Variants in ATXN7L3B observed in about 807,000 individuals in gnomAD.
ATXN7L3B encodes the protein ataxin-7-like protein 3B.
A neutral mutation model predicts 6.3 loss-of-function variants in ATXN7L3B; 4 were observed. The observed-to-expected ratio is 0.63, with a 90% CI of 0.31 to 1.45. The LOEUF (loss-of-function observed/expected upper bound fraction) is 1.45. ATXN7L3B is among the 40% of genes most tolerant of loss of function. The pLI is 0.07. For missense variants in ATXN7L3B, 120 were observed against 118.5 expected, an observed-to-expected ratio of 1.01 and a Z score of -0.06; for synonymous variants, 63 against 48.0, an observed-to-expected ratio of 1.31 and a Z score of -1.29.
rs918465386 is a variant in ATXN7L3B at position 74,545,126 on chromosome 12, A to C, written c.*6720A>C. On this transcript the variant is annotated 3_prime_UTR_variant, in exon 1 of 1. Transcript: ENST00000519948. ...GCTAGTAGGCTGTAAATTGGTAAAA[A>C]ATGTTTTTAAAAGCAATTTAGAAAT... 6.6e-6 allele frequency: 1 copy of C among 152,080 alleles called. No individual in the cohort carries two copies. Among genetic ancestry groups the C allele is most frequent in the African/African-American group, 2.4e-5 (1 of 41,448 alleles). 9.4% of individuals were successfully genotyped at this position (152,080 alleles called of 1,614,324 possible).
chr12:74,542,808 T>C lies in ATXN7L3B; in HGVS notation c.*4402T>C, dbSNP rs1868930312. The C allele has an allele frequency of 6.6e-6, 1 of 152,198 alleles. No individual in the cohort carries two copies. Among genetic ancestry groups the C allele is most frequent in the African/African-American group, 2.4e-5 (1 of 41,458 alleles). The allele number at this position is 152,198 out of a possible 1,614,324, so 9.4% of individuals were successfully genotyped here. On this transcript the variant is annotated 3_prime_UTR_variant, in exon 1 of 1. Coordinates refer to ENST00000519948, the MANE Select transcript of ATXN7L3B (RefSeq NM_001136262.2). ...ACCTATCTGAAGTGTTGTGAAGTTT[T>C]TCTTACAATTTTTTAAAAGAGATTT... is the stretch of plus-strand genomic sequence containing the variant.
In ATXN7L3B at chr12:74,541,376, C is replaced by T. The variant is rs752077913; in HGVS notation, c.*2970C>T. ...TACAGATAGCTGATTAACTGTATTC[C>T]CCTTTCCCCTATGGCTGCTGGTGTA... On this transcript the variant is annotated 3_prime_UTR_variant, in exon 1 of 1. Coordinates refer to ENST00000519948, the MANE Select transcript of ATXN7L3B (RefSeq NM_001136262.2). The T allele has an allele frequency of 6.0e-6, 1 of 166,996 alleles. No homozygotes were observed. Among genetic ancestry groups the T allele is most frequent in the Non-Finnish European group, 1.5e-5 (1 of 68,102 alleles). The allele number at this position is 166,996 out of a possible 1,614,324, so 10.3% of individuals were successfully genotyped here. A position where few individuals can be genotyped will look rare whatever the true frequency, so the allele number is the denominator to read the frequency against.
In ATXN7L3B at chr12:74,541,697, G is replaced by C. The variant is rs1209687383; in HGVS notation, c.*3291G>C. On this transcript the variant is annotated 3_prime_UTR_variant, in exon 1 of 1. Transcript: ENST00000519948. ...TCCCTTTTCCATATGAGGTAAGAAGGTGGTAAGATAAATCCAGTCCTGTCA... is the reference window on the plus strand; with the variant it reads ...TCCCTTTTCCATATGAGGTAAGAAGCTGGTAAGATAAATCCAGTCCTGTCA... The C allele has an allele frequency of 6.6e-6, 1 of 152,150 alleles. No individual in the cohort carries two copies. Among genetic ancestry groups the C allele is most frequent in the Non-Finnish European group, 1.5e-5 (1 of 68,022 alleles). The allele number at this position is 152,150 out of a possible 1,614,324, so 9.4% of individuals were successfully genotyped here.
rs1868906401 is a variant in ATXN7L3B at position 74,541,810 on chromosome 12, T to C, written c.*3404T>C. On this transcript the variant is annotated 3_prime_UTR_variant, in exon 1 of 1. Coordinates refer to ENST00000519948, the MANE Select transcript of ATXN7L3B (RefSeq NM_001136262.2). The stretch of plus-strand genomic sequence containing the variant: ...ATTTTACCATCATTTTAAGCTAATA[T>C]CCTTGTTCTCAAAAGGTAAAGTGAT... 1 of 152,216 alleles carries C rather than the reference T, an allele frequency of 6.6e-6. No individual in the cohort carries two copies. The highest frequency in any genetic ancestry group is 1.5e-5 in the Non-Finnish European group (1 of 68,042). The allele number at this position is 152,216 out of a possible 1,614,324, so 9.4% of individuals were successfully genotyped here.
chr12:74,538,439 A>C lies in ATXN7L3B; in HGVS notation c.*33A>C. On this transcript the variant is annotated 3_prime_UTR_variant, in exon 1 of 1. Coordinates refer to ENST00000519948, the MANE Select transcript of ATXN7L3B (RefSeq NM_001136262.2). ...ATGAGAGTCTGAAAGTGGCCAGGAC[A>C]ATAACATAGACTGGTCCTGTGGCTT... The C allele has an allele frequency of 6.5e-7, 1 of 1,534,802 alleles. No homozygotes were observed. Among genetic ancestry groups the C allele is most frequent in the Non-Finnish European group, 8.8e-7 (1 of 1,136,600 alleles).
chr12:74,540,329 G>C lies in ATXN7L3B; in HGVS notation c.*1923G>C, dbSNP rs1260726402. 1 of 167,056 alleles carries C rather than the reference G, an allele frequency of 6.0e-6. No individual in the cohort carries two copies. The highest frequency in any genetic ancestry group is 2.4e-5 in the African/African-American group (1 of 41,462). The allele number at this position is 167,056 out of a possible 1,614,324, so 10.3% of individuals were successfully genotyped here. A position where few individuals can be genotyped will look rare whatever the true frequency, so the allele number is the denominator to read the frequency against. On this transcript the variant is annotated 3_prime_UTR_variant, in exon 1 of 1. Transcript: ENST00000519948. ...TGCCGGTTAGGACCTAAGTAGAAGA[G>C]CAGTAAAGGCTGATTGACACACAGG...
chr12:74,538,296 C>G lies in ATXN7L3B; in HGVS notation c.184C>G (p.Gln62Glu), dbSNP rs1411020670. 4 of 1,559,698 alleles carry G rather than the reference C, an allele frequency of 2.6e-6. No homozygotes were observed. Among genetic ancestry groups the G allele is most frequent in the Non-Finnish European group, 8.7e-7 (1 of 1,151,872 alleles). Residue 62 changes from glutamine to glutamate, a missense_variant, in exon 1 of 1, where the codon CAG becomes GAG. Transcript: ENST00000519948. ...TGGTAGCGTGAAGGATTTTGGCATT[C>G]AGCCAGTGGAAGACAAAGGAGCGTG... ...ETGSVKDFGI[Q>E]PVEDKGACRL...
rs1335611668 is a variant in ATXN7L3B, at chr12:74,538,332, C to T, written c.220C>T (p.Leu74Phe). The change falls in exon 1 of 1, where the codon CTT becomes TTT. Residue 74 changes from leucine to phenylalanine, a missense_variant. By Grantham distance (22) the Leu-to-Phe change is conservative. Transcript: ENST00000519948. ...AGACAAAGGAGCGTGCCGCCTCCCGCTTTGCTCCCTTCCCGGAGAACCTGG... is the reference window on the plus strand; with the variant it reads ...AGACAAAGGAGCGTGCCGCCTCCCGTTTTGCTCCCTTCCCGGAGAACCTGG... ...VEDKGACRLP[L>F]CSLPGEPGNG... 2 of 1,552,494 alleles carry T rather than the reference C, an allele frequency of 1.3e-6. No individual in the cohort carries two copies. Among genetic ancestry groups the T allele is most frequent in the Admixed American group, 3.9e-5 (2 of 51,042 alleles).
At position 74,537,892 on chromosome 12, in the gene ATXN7L3B, T is replaced by G. The variant is rs1431999993; in HGVS notation, c.-221T>G. The G allele has an allele frequency of 1.8e-6, 1 of 565,596 alleles. No homozygotes were observed. Among genetic ancestry groups the G allele is most frequent in the African/African-American group, 1.9e-5 (1 of 53,110 alleles). 35.0% of individuals were successfully genotyped at this position (565,596 alleles called of 1,614,324 possible). A position where few individuals can be genotyped will look rare whatever the true frequency, so the allele number is the denominator to read the frequency against. On this transcript the variant is annotated 5_prime_UTR_variant, in exon 1 of 1. Coordinates refer to ENST00000519948, the MANE Select transcript of ATXN7L3B (RefSeq NM_001136262.2). ...CGGTGAGTCCTGGGCCAGGCGCAGC[T>G]GAAAGGCCCGCAACCCGGGAAACGT...
rs939718213 is a variant in ATXN7L3B, at chr12:74,539,214, A to C, written c.*808A>C. On this transcript the variant is annotated 3_prime_UTR_variant, in exon 1 of 1. Transcript: ENST00000519948. The stretch of plus-strand genomic sequence containing the variant: ...GCAGGGACCTCTGCAACTATGCATG[A>C]TTTCTCAAACTTCAAGATTCATGTC... 9 of 167,102 alleles carry C rather than the reference A, an allele frequency of 5.4e-5. No individual in the cohort carries two copies. Among genetic ancestry groups the C allele is most frequent in the Admixed American group, 1.3e-4 (2 of 15,268 alleles). The allele number at this position is 167,102 out of a possible 1,614,324, so 10.4% of individuals were successfully genotyped here. A position where few individuals can be genotyped will look rare whatever the true frequency, so the allele number is the denominator to read the frequency against.
At position 74,540,707 on chromosome 12, in the gene ATXN7L3B, A is replaced by G. The variant is rs1868870135; in HGVS notation, c.*2301A>G. ...TGAGACTCTGGCCTACTTCCTAACAATGTCTTGGAAGTGGGATGATGGTAA... is the reference window on the plus strand; with the variant it reads ...TGAGACTCTGGCCTACTTCCTAACAGTGTCTTGGAAGTGGGATGATGGTAA... On this transcript the variant is annotated 3_prime_UTR_variant, in exon 1 of 1. Transcript: ENST00000519948. 6.0e-6 allele frequency: 1 copy of G among 167,088 alleles called. No homozygotes were observed. The highest frequency in any genetic ancestry group is 1.9e-4 in the East Asian group (1 of 5,196). 10.4% of individuals were successfully genotyped at this position (167,088 alleles called of 1,614,324 possible). A position where few individuals can be genotyped will look rare whatever the true frequency, so the allele number is the denominator to read the frequency against.
rs1000852905 is a variant in ATXN7L3B, at chr12:74,542,527, A to G, written c.*4121A>G. 8 of 151,844 alleles carry G rather than the reference A, an allele frequency of 5.3e-5. No individual in the cohort carries two copies. Among genetic ancestry groups the G allele is most frequent in the African/African-American group, 1.5e-4 (6 of 41,328 alleles). 9.4% of individuals were successfully genotyped at this position (151,844 alleles called of 1,614,324 possible). A position where few individuals can be genotyped will look rare whatever the true frequency, so the allele number is the denominator to read the frequency against. ...CAAATACTTGACAATGGGACTTTGA[A>G]GGTTATTTCTTATGTTTTCTGACTA... is the stretch of plus-strand genomic sequence containing the variant. On this transcript the variant is annotated 3_prime_UTR_variant, in exon 1 of 1. Coordinates refer to ENST00000519948, the MANE Select transcript of ATXN7L3B (RefSeq NM_001136262.2).
rs574725074 is a variant in ATXN7L3B, at chr12:74,542,814, C to A, written c.*4408C>A. The A allele has an allele frequency of 3.9e-5, 6 of 152,116 alleles. No homozygotes were observed. The highest frequency in any genetic ancestry group is 7.4e-5 in the Non-Finnish European group (5 of 67,980). The allele number at this position is 152,116 out of a possible 1,614,324, so 9.4% of individuals were successfully genotyped here. A position where few individuals can be genotyped will look rare whatever the true frequency, so the allele number is the denominator to read the frequency against. On this transcript the variant is annotated 3_prime_UTR_variant, in exon 1 of 1. Transcript: ENST00000519948. ...CTGAAGTGTTGTGAAGTTTTTCTTA[C>A]AATTTTTTAAAAGAGATTTATGAAG...
Position 74,544,188 on chromosome 12 carries a change from AAAT to A in ATXN7L3B, c.*5787_*5789del, listed in dbSNP as rs1208602593. 1 of 152,068 alleles carries A rather than the reference AAAT, an allele frequency of 6.6e-6. No individual in the cohort carries two copies. Among genetic ancestry groups the A allele is most frequent in the Non-Finnish European group, 1.5e-5 (1 of 67,870 alleles). 9.4% of individuals were successfully genotyped at this position (152,068 alleles called of 1,614,324 possible). Reference sequence around the variant, plus strand: ...TTCAACAAGTTATAACAGTCCTATGAAATAATATCACAAGAACTGTGTAAGATT... The same window carrying A: ...TTCAACAAGTTATAACAGTCCTATGAAATATCACAAGAACTGTGTAAGATT... On this transcript the variant is annotated 3_prime_UTR_variant, in exon 1 of 1. Transcript: ENST00000519948.
In ATXN7L3B at chr12:74,543,007, A is replaced by G. The variant is rs376955930; in HGVS notation, c.*4601A>G. 6.6e-5 allele frequency: 10 copies of G among 152,142 alleles called. No individual in the cohort carries two copies. In the East Asian group the frequency reaches 1.9e-3, roughly 29 times the overall value. 9.4% of individuals were successfully genotyped at this position (152,142 alleles called of 1,614,324 possible). On this transcript the variant is annotated 3_prime_UTR_variant, in exon 1 of 1. Coordinates refer to ENST00000519948, the MANE Select transcript of ATXN7L3B (RefSeq NM_001136262.2). ...CTCTCTGATTTTCATTTATGTTCCAAAAGATGCCCATAATGTTGCTTTGGA... is the reference window on the plus strand; with the variant it reads ...CTCTCTGATTTTCATTTATGTTCCAGAAGATGCCCATAATGTTGCTTTGGA...
Position 74,543,838 on chromosome 12 carries a change from T to A in ATXN7L3B, c.*5432T>A, listed in dbSNP as rs998709424. The A allele has an allele frequency of 6.6e-6, 1 of 151,996 alleles. No homozygotes were observed. The highest frequency in any genetic ancestry group is 2.4e-5 in the African/African-American group (1 of 41,426). 9.4% of individuals were successfully genotyped at this position (151,996 alleles called of 1,614,324 possible). Reference sequence around the variant, plus strand: ...AATATAGAAACCAAAGCTCAAGAACTTGTACACACTGCAAAAGGGTATGTA... The same window carrying A: ...AATATAGAAACCAAAGCTCAAGAACATGTACACACTGCAAAAGGGTATGTA... On this transcript the variant is annotated 3_prime_UTR_variant, in exon 1 of 1. Coordinates refer to ENST00000519948, the MANE Select transcript of ATXN7L3B (RefSeq NM_001136262.2).
rs750774541 is a variant in ATXN7L3B, at chr12:74,538,284, G to A, written c.172G>A (p.Asp58Asn). The A allele has an allele frequency of 1.9e-6, 3 of 1,566,212 alleles. No individual in the cohort carries two copies. Among genetic ancestry groups the A allele is most frequent in the African/African-American group, 2.7e-5 (2 of 73,550 alleles). ...LEFAETGSVK[D>N]FGIQPVEDKG... Reference sequence around the variant, plus strand: ...GTTCGCAGAGACTGGTAGCGTGAAGGATTTTGGCATTCAGCCAGTGGAAGA... The same window carrying A: ...GTTCGCAGAGACTGGTAGCGTGAAGAATTTTGGCATTCAGCCAGTGGAAGA... Residue 58 changes from aspartate to asparagine, a missense_variant, in exon 1 of 1, where the codon GAT (aspartate) becomes AAT (asparagine). Asp to Asn is a conservative substitution (Grantham distance 23). Transcript: ENST00000519948.
chr12:74,538,165 C>T lies in ATXN7L3B; in HGVS notation c.53C>T (p.Ala18Val). 1.3e-6 allele frequency: 2 copies of T among 1,588,174 alleles called. No individual in the cohort carries two copies. Among genetic ancestry groups the T allele is most frequent in the Non-Finnish European group, 1.7e-6 (2 of 1,167,160 alleles). ...NLDTNKLEAIAQEIYVDLIED... is the reference protein window; with the variant it reads ...NLDTNKLEAIVQEIYVDLIED... ...GATACTAACAAGCTAGAGGCCATCG[C>T]TCAGGAGATTTACGTAGACCTGATA... Residue 18 changes from alanine (A) to valine (V), a missense_variant, in exon 1 of 1, where the codon GCT becomes GTT. Coordinates refer to ENST00000519948, the MANE Select transcript of ATXN7L3B (RefSeq NM_001136262.2).
At position 74,540,653 on chromosome 12, in the gene ATXN7L3B, C is replaced by A. The variant is rs1868868684; in HGVS notation, c.*2247C>A. On this transcript the variant is annotated 3_prime_UTR_variant, in exon 1 of 1. Coordinates refer to ENST00000519948, the MANE Select transcript of ATXN7L3B (RefSeq NM_001136262.2). ...TTTGCCCTTGACTTGTAGACGACAT[C>A]TAAGAGGATGAAGAAAGGAGAGTCT... 6.0e-6 allele frequency: 1 copy of A among 166,976 alleles called. No homozygotes were observed. 10.3% of individuals were successfully genotyped at this position (166,976 alleles called of 1,614,324 possible).
Sources: gnomAD v4.1 joint callset for allele counts on GRCh38, gnomAD v4.1.1 for gene constraint, MANE v1.5 for transcripts, NCBI Gene and HGNC (gene_info 2026-07-23, HGNC 2026-07-21) for gene names.